The following FHL1 variants were observed in gnomAD, a reference collection of about 807,000 sequenced individuals.
The protein encoded by FHL1 is four and a half LIM domains protein 1.
In FHL1, 1 loss-of-function variant was observed where a neutral mutation model predicts 20.3. The ratio of observed to expected loss-of-function variants is 0.05; its 90% confidence interval spans 0.02 to 0.23. The LOEUF (loss-of-function observed/expected upper bound fraction) is 0.23, where lower values mean the gene tolerates loss of function less well. FHL1 is among the 10% of genes least tolerant of loss of function. The pLI, the probability that FHL1 is intolerant of heterozygous loss-of-function variation, is 1.00. For synonymous variants in FHL1, 82 were observed against 88.9 expected (o/e 0.92, Z 0.44); for missense variants, 177 against 234.0 (o/e 0.76, Z 1.59).
intron 2 of FHL1, among the ~76,000 whole-genome samples, chrX:136,173,652 G>A (rs1245218976): frequency 9.2e-6 from 1 of 108,312 alleles, no homozygotes; most frequent in African/African-American, 3.4e-5. Context: ...CCTCACTCCT[G>A]TTTGGCTACA....
intron 4 of FHL1, 51 bp from the exon 5 acceptor site, chrX:136,208,404 T>C: frequency 1.7e-6 from 2 of 1,186,683 alleles, no homozygotes; most frequent in Non-Finnish European, 2.3e-6. Flanking sequence ...CAGTAGGCAT[T>C]CAACAAAATG....
chrX:136,194,612 G>C (rs1407586160), upstream of FHL1, among the ~76,000 whole-genome samples: 1 of 111,468 alleles, frequency 9.0e-6, no homozygotes, highest in Non-Finnish European at 1.9e-5. Flanking sequence ...TCCACCAATA[G>C]TATATAAAGG....
intron 1 of FHL1, among the ~76,000 whole-genome samples, chrX:136,204,544 T>G (rs1039578730): frequency 1.8e-5 from 2 of 112,579 alleles, no homozygotes; most frequent in Non-Finnish European, 3.7e-5. Context: ...AGAGAAAAGT[T>G]CAAGTTAGAA....
chrX:136,158,633 T>G (rs980041681), intron 1 of FHL1, among the ~76,000 whole-genome samples: 1 of 111,547 alleles, frequency 9.0e-6, no homozygotes, highest in African/African-American at 3.3e-5. Context: ...CTGTTTCTCC[T>G]GTGATCCAAC....
chrX:136,146,906 G>C (rs1216268722), upstream of FHL1: 4 of 328,232 alleles, frequency 1.2e-5, no homozygotes, highest in Non-Finnish European at 2.4e-5. Context: ...CTAAGGGGAG[G>C]GGTCGTCGGT....
At chrX:136,167,716 G>A (rs913836514), upstream of FHL1, 1 of 111,684 alleles carries the variant, frequency 9.0e-6, no homozygotes, top group Non-Finnish European at 1.9e-5. Context: ...CAGAGGTGAG[G>A]AACAGACAGA....
At chrX:136,167,111 TGA>T (rs2072732192), upstream of FHL1, 1 of 112,288 alleles carries the variant, frequency 8.9e-6, no homozygotes, top group Non-Finnish European at 1.9e-5. Context: ...GAGTTCTATA[TGA>T]GTGGAGTGTG....
At chrX:136,184,064 C>A (rs967749347) in intron 2 of FHL1, among the ~76,000 whole-genome samples, 1 of 111,710 alleles carries the variant, frequency 9.0e-6, no homozygotes, top group African/African-American at 3.3e-5. Flanking sequence ...TAGAAAGTTA[C>A]AACTCTGGAG....
At chrX:136,203,505 C>A (rs775663054) in intron 1 of FHL1, among the ~76,000 whole-genome samples, 7 of 111,981 alleles carry the variant, frequency 6.3e-5, no homozygotes, top group Admixed American at 2.8e-4. Context: ...TGGTTTAAGA[C>A]CATGTACTAT....
chrX:136,171,874 T>C (rs1041708179), intron 2 of FHL1, among the ~76,000 whole-genome samples: 1 of 80,760 alleles, frequency 1.2e-5, no homozygotes, highest in African/African-American at 3.9e-5. Context: ...TTTTTTTAAA[T>C]TTTTTATTGA....
upstream of FHL1, among the ~76,000 whole-genome samples, chrX:136,166,734 G>A (rs1197498080): frequency 8.9e-6 from 1 of 112,516 alleles, no homozygotes; most frequent in East Asian, 2.8e-4. Context: ...GAAGCTTAAG[G>A]TGGATGGAAT....
intron 2 of FHL1, among the ~76,000 whole-genome samples, chrX:136,170,248 A>G (rs936433855): frequency 1.8e-5 from 2 of 112,215 alleles, no homozygotes; most frequent in African/African-American, 6.5e-5. Context: ...TGTCTGCTTT[A>G]AAGTAAAGAT....
rs1311888697 is a variant in FHL1, at chrX:136,207,164, A to G, written c.353A>G (p.Lys118Arg). The change falls in exon 3 of 6, where the codon AAG becomes AGG. Residue 118 changes from lysine (K) to arginine (R), a missense_variant. By Grantham distance (26) the Lys-to-Arg change is conservative (BLOSUM62 2). Coordinates refer to ENST00000370683, the MANE Select transcript of FHL1 (RefSeq NM_001159699.2). ...ACTCGGGAGGACTCCCCCAAGTGCA[A>G]GGGGTGCTTCAAGGCCATTGTGGCA... ...CTTREDSPKC[K>R]GCFKAIVAGD... 31 of 1,206,371 alleles carry G rather than the reference A, an allele frequency of 2.6e-5. No individual in the cohort carries two copies. Among genetic ancestry groups the G allele is most frequent in the Non-Finnish European group, 3.5e-5 (31 of 892,168 alleles).
upstream of FHL1, among the ~76,000 whole-genome samples, chrX:136,194,214 T>C (rs940734870): frequency 1.8e-5 from 2 of 112,227 alleles, no homozygotes; most frequent in Non-Finnish European, 3.8e-5. Flanking sequence ...CTGCCTTGCA[T>C]AGTAGTCATT....
chrX:136,187,161 A>T (rs866143786), intron 2 of FHL1, among the ~76,000 whole-genome samples: 10 of 109,275 alleles, frequency 9.2e-5, no homozygotes, highest in Non-Finnish European at 1.5e-4. Flanking sequence ...AAAAAGAAAA[A>T]ATATATAGCT....
rs1441827028 is a variant in FHL1 at position 136,211,071 on chromosome X, A to C, written c.*1046A>C. ...TGTCCATGTGTTAATGAGGACTGCA[A>C]AGTCCCTTCTGTTGTGATTCCTAGG... On this transcript the variant is annotated 3_prime_UTR_variant, in exon 6 of 6. Transcript: ENST00000370683. 1 of 376,604 alleles carries C rather than the reference A, an allele frequency of 2.7e-6. No homozygotes were observed. Among genetic ancestry groups the C allele is most frequent in the Non-Finnish European group, 5.0e-6 (1 of 198,824 alleles). 31.0% of individuals were successfully genotyped at this position (376,604 alleles called of 1,213,427 possible).
At chrX:136,159,253 T>G (rs1167065963) in intron 1 of FHL1, among the ~76,000 whole-genome samples, 1 of 111,324 alleles carries the variant, frequency 9.0e-6, no homozygotes, top group African/African-American at 3.3e-5. Flanking sequence ...TAAAGTCTAC[T>G]GTTTGTGGCC....
At chrX:136,167,682 G>A (rs987496141), upstream of FHL1, among the ~76,000 whole-genome samples, 2 of 111,727 alleles carry the variant, frequency 1.8e-5, no homozygotes, top group Non-Finnish European at 3.8e-5. Flanking sequence ...TTCCCCACCT[G>A]TAGCCCTTCC....
upstream of FHL1, chrX:136,197,001 T>A (rs1278027407): frequency 9.6e-7 from 1 of 1,044,381 alleles, no homozygotes; most frequent in Non-Finnish European, 1.3e-6. Context: ...TCGGTTATTT[T>A]TGTGTTAGCC....
Sources: gnomAD v4.1 joint callset for allele counts (sites outside exome capture counted in the v4.1 genomes callset) on GRCh38, gnomAD v4.1.1 for gene constraint, MANE v1.5 for transcripts, NCBI Gene and HGNC (gene_info 2026-07-23, HGNC 2026-07-21) for gene names.